CSMD1: variants seen among roughly 807,000 people sequenced by gnomAD.
The protein encoded by CSMD1 is CUB and Sushi multiple domains 1.
CSMD1 carries 213 observed loss-of-function variants against 417.5 expected under a neutral mutation model. That is an observed-to-expected ratio of 0.51 (90% CI 0.46 to 0.57). CSMD1 has a LOEUF of 0.57. Ranked by LOEUF, CSMD1 falls within the 20% of genes least tolerant of loss-of-function variation. The pLI, the probability that CSMD1 is intolerant of heterozygous loss-of-function variation, is 0.00. For missense variants in CSMD1, 6,923 were observed against 4,529.7 expected, an observed-to-expected ratio of 1.53 and a Z score of -15.17; for synonymous variants, 2,862 against 1,736.8, an observed-to-expected ratio of 1.65 and a Z score of -16.11.
At chr8:3,329,471 A>C (rs4875617) in intron 23 of CSMD1, among the ~76,000 whole-genome samples, 7,327 of 152,212 alleles carry the variant, frequency 0.048, 408 homozygotes, top group East Asian at 0.25. Flanking sequence ...GAACGGGGAA[A>C]CTGCGGCAGC....
intron 1 of CSMD1, among the ~76,000 whole-genome samples, chr8:4,799,987 T>C (rs960090729): frequency 4.5e-5 from 6 of 134,734 alleles, no homozygotes; most frequent in Non-Finnish European, 7.7e-5. Context: ...TTTTCTAACA[T>C]AAGAAAAGTT....
At chr8:3,407,415 G>T (rs1324194193) in intron 14 of CSMD1, among the ~76,000 whole-genome samples, 1 of 148,248 alleles carries the variant, frequency 6.7e-6, no homozygotes, top group African/African-American at 2.5e-5. Context: ...ATGAATGGAT[G>T]GAAGGATGGA....
intron 10 of CSMD1, among the ~76,000 whole-genome samples, chr8:3,517,175 G>T (rs1045355467): frequency 7.2e-5 from 11 of 152,112 alleles, no homozygotes; most frequent in African/African-American, 2.7e-4. Flanking sequence ...TCTCATGCCT[G>T]TCACCAGATG....
chr8:3,936,707 C>T (rs1023633915), intron 5 of CSMD1, among the ~76,000 whole-genome samples: 1 of 152,184 alleles, frequency 6.6e-6, no homozygotes, highest in South Asian at 2.1e-4. Context: ...CAGAGATCTA[C>T]TAGGAGATTA....
intron 3 of CSMD1, among the ~76,000 whole-genome samples, chr8:4,220,555 G>T (rs568894216): frequency 6.6e-6 from 1 of 152,186 alleles, no homozygotes; most frequent in African/African-American, 2.4e-5. Flanking sequence ...AACAATTTTA[G>T]GTTTTGTGTG....
At chr8:3,158,143 A>G (rs1006231396) in intron 38 of CSMD1, among the ~76,000 whole-genome samples, 177 bp from the exon 39 acceptor site, 2 of 152,208 alleles carry the variant, frequency 1.3e-5, no homozygotes, top group South Asian at 4.1e-4. Flanking sequence ...TTTTGAACCA[A>G]CATAGAAAAG....
intron 12 of CSMD1, among the ~76,000 whole-genome samples, chr8:3,425,527 G>A (rs572708806): frequency 1.6e-3 from 234 of 148,362 alleles, no homozygotes; most frequent in African/African-American, 5.6e-3. Flanking sequence ...GGTGGAGGTT[G>A]CAGTGATCTG....
intron 3 of CSMD1, among the ~76,000 whole-genome samples, chr8:4,408,034 C>A (rs1314968882): frequency 1.3e-5 from 2 of 152,288 alleles, no homozygotes; most frequent in South Asian, 4.1e-4. Flanking sequence ...ACTCACCCTC[C>A]TCCCCTCCCC....
At chr8:3,210,394 T>C (rs1299994664) in intron 30 of CSMD1, among the ~76,000 whole-genome samples, 1 of 36,566 alleles carries the variant, frequency 2.7e-5, no homozygotes. Context: ...CAGTCTCTAA[T>C]TAAAAATTTG....
intron 6 of CSMD1, among the ~76,000 whole-genome samples, chr8:3,740,778 G>A (rs936139147): frequency 1.3e-5 from 2 of 152,174 alleles, no homozygotes; most frequent in Non-Finnish European, 2.9e-5. Flanking sequence ...GTGAAATGAA[G>A]AATCACTGTG....
intron 5 of CSMD1, among the ~76,000 whole-genome samples, chr8:3,992,754 C>T (rs1185480716): frequency 3.3e-5 from 5 of 152,210 alleles, no homozygotes; most frequent in Non-Finnish European, 7.3e-5. Flanking sequence ...GTACTCCACA[C>T]TGGGTGACAG....
At chr8:4,729,318 T>C (rs1380559238) in intron 1 of CSMD1, among the ~76,000 whole-genome samples, 1 of 151,994 alleles carries the variant, frequency 6.6e-6, no homozygotes, top group African/African-American at 2.4e-5. Flanking sequence ...CACACAAAGG[T>C]GTTTTGTTGG....
intron 1 of CSMD1, among the ~76,000 whole-genome samples, chr8:4,930,473 T>G (rs1285896236): frequency 6.6e-6 from 1 of 152,180 alleles, no homozygotes; most frequent in East Asian, 1.9e-4. Context: ...ATTAGTTTAC[T>G]CAGCACAGCT....
At chr8:3,781,825 G>C (rs1011565809) in intron 5 of CSMD1, among the ~76,000 whole-genome samples, 1 of 152,062 alleles carries the variant, frequency 6.6e-6, no homozygotes, top group Non-Finnish European at 1.5e-5. Context: ...TTATGATTTT[G>C]CTCTCTATAC....
At chr8:4,471,631 C>A (rs1474762306) in intron 2 of CSMD1, among the ~76,000 whole-genome samples, 1 of 151,918 alleles carries the variant, frequency 6.6e-6, no homozygotes, top group Non-Finnish European at 1.5e-5. Context: ...AACTCTGCGG[C>A]GACTGGTTGG....
rs530703790 is a variant in CSMD1, at chr8:3,660,332, T to C, written c.1010-43535A>G. The stretch of plus-strand genomic sequence containing the variant: ...TAACTGTGTCCACCTTACAGGATTA[T>C]TGACAGGACTGAAAGTATTAGCGAT... On this transcript the variant is annotated intron_variant, in intron 7 of 69. Transcript: ENST00000635120. Among the ~76,000 whole-genome samples the C allele has an allele frequency of 6.6e-5, 10 of 152,224 alleles. No individual in the cohort carries two copies. In the South Asian group the frequency reaches 8.3e-4, roughly 13 times the overall value.
intron 2 of CSMD1, among the ~76,000 whole-genome samples, chr8:4,591,856 A>G (rs2617088): frequency 0.63 from 95,594 of 151,886 alleles, 31,757 homozygotes; most frequent in African/African-American, 0.86. Context: ...GGCAGAGGGG[A>G]GAAAGTAATG....
intron 8 of CSMD1, among the ~76,000 whole-genome samples, chr8:3,594,296 A>T (rs78411180): frequency 0.022 from 3,316 of 152,280 alleles, 127 homozygotes; most frequent in African/African-American, 0.074. Context: ...TATTAAATCT[A>T]AATTGCTATG....
chr8:3,866,498 C>G (rs1805114793), intron 5 of CSMD1, among the ~76,000 whole-genome samples: 1 of 152,104 alleles, frequency 6.6e-6, no homozygotes, highest in South Asian at 2.1e-4. Flanking sequence ...CTGTTGGGTG[C>G]CTGACGTGGT....
Sources: allele counts gnomAD v4.1 joint callset (sites outside exome capture counted in the v4.1 genomes callset), GRCh38; gene constraint gnomAD v4.1.1; transcripts MANE v1.5; gene names NCBI Gene and HGNC (gene_info 2026-07-23, HGNC 2026-07-21).